Variants in RGS9 observed in about 807,000 individuals in gnomAD.
The protein encoded by RGS9 is regulator of G-protein signalling 9.
In RGS9, 78 loss-of-function variants were observed where a neutral mutation model predicts 102.0. That is an observed-to-expected ratio of 0.76 (90% CI 0.64 to 0.92). The LOEUF (loss-of-function observed/expected upper bound fraction) is 0.92. RGS9 is among the 40% of genes least tolerant of loss of function. The pLI, the probability that RGS9 is intolerant of heterozygous loss-of-function variation, is 0.00. For missense variants in RGS9, 833 were observed against 866.1 expected (o/e 0.96, Z 0.48); for synonymous variants, 353 against 318.6 (o/e 1.11, Z -1.15).
At chr17:65,195,553 A>T (rs8072505) in intron 12 of RGS9, among the ~76,000 whole-genome samples, 33,073 of 152,046 alleles carry the variant, frequency 0.22, 4,657 homozygotes, top group African/African-American at 0.37. Context: ...TTTTAGTCTT[A>T]TATCCCTCAC....
At chr17:65,144,497 C>T (rs1027198720) in intron 1 of RGS9, among the ~76,000 whole-genome samples, 3 of 152,242 alleles carry the variant, frequency 2.0e-5, no homozygotes, top group Non-Finnish European at 4.4e-5. Context: ...CCCCCTTCTC[C>T]CCGACACGGG....
rs373827618 is a variant in RGS9 at position 65,178,563 on chromosome 17, G to T, written c.654+760G>T. On this transcript the variant is annotated intron_variant, in intron 9 of 18. Coordinates refer to ENST00000262406, the MANE Select transcript of RGS9 (RefSeq NM_003835.4). ...CTGTTGCCCGGGCTGCAGTGCAGTGGCATGCTCATAGCTCACTGCAGCCTT... is the reference window on the plus strand; with the variant it reads ...CTGTTGCCCGGGCTGCAGTGCAGTGTCATGCTCATAGCTCACTGCAGCCTT... Among the ~76,000 whole-genome samples the T allele has an allele frequency of 4.0e-4, 61 of 152,070 alleles. 1 individual carries two copies. The highest frequency in any genetic ancestry group is 1.4e-3 in the African/African-American group (58 of 41,454).
chr17:65,153,648 T>G lies in RGS9; in HGVS notation c.154+130T>G. On this transcript the variant is annotated intron_variant, in intron 2 of 18. Coordinates refer to ENST00000262406, the MANE Select transcript of RGS9 (RefSeq NM_003835.4). ...GGCTCACGCCTGTAATCCCAGCACT[T>G]TGGGAGGCCGAGGCGGGTGGATCAC... 4 of 743,556 alleles carry G rather than the reference T, an allele frequency of 5.4e-6. No individual in the cohort carries two copies. In the South Asian group the frequency reaches 5.7e-5, roughly 11 times the overall value. 46.1% of individuals were successfully genotyped at this position (743,556 alleles called of 1,614,324 possible). A position where few individuals can be genotyped will look rare whatever the true frequency, so the allele number is the denominator to read the frequency against.
In RGS9 at chr17:65,227,288, A is replaced by G; in HGVS notation, c.1906A>G (p.Lys636Glu). Residue 636 changes from lysine (K) to glutamate (E), a missense_variant, in exon 19 of 19, where the codon AAA becomes GAA. Physicochemically the swap from Lys to Glu is moderately conservative, Grantham distance 56 (BLOSUM62 1). Transcript: ENST00000262406. ...SKRVANFFQI[K>E]MDVPTGSGTC... ...TTGCACCTGAAGCTTTTTCCAGATCAAAATGGATGTGCCCACGGGGAGCGG... is the reference window on the plus strand; with the variant it reads ...TTGCACCTGAAGCTTTTTCCAGATCGAAATGGATGTGCCCACGGGGAGCGG... The G allele has an allele frequency of 6.2e-7, 1 of 1,614,172 alleles. No individual in the cohort carries two copies. Among genetic ancestry groups the G allele is most frequent in the South Asian group, 1.1e-5 (1 of 91,080 alleles).
intron 1 of RGS9, among the ~76,000 whole-genome samples, chr17:65,141,760 G>A (rs989134161): frequency 6.6e-6 from 1 of 152,194 alleles, no homozygotes; most frequent in African/African-American, 2.4e-5. Context: ...GATTTTACAA[G>A]GGGGCTTGCA....
chr17:65,208,598 T>G (rs909709218), intron 16 of RGS9, among the ~76,000 whole-genome samples: 4 of 152,172 alleles, frequency 2.6e-5, no homozygotes, highest in Non-Finnish European at 5.9e-5. Context: ...AGGGGCAGAT[T>G]GAACTCTTTT....
chr17:65,143,826 G>T (rs1177910127), intron 1 of RGS9, among the ~76,000 whole-genome samples: 3 of 151,734 alleles, frequency 2.0e-5, no homozygotes, highest in Non-Finnish European at 1.5e-5. Flanking sequence ...AGCTGGGCAG[G>T]GTGGCACATG....
intron 3 of RGS9, among the ~76,000 whole-genome samples, chr17:65,159,583 G>T (rs576249731): frequency 6.6e-6 from 1 of 152,250 alleles, no homozygotes; most frequent in East Asian, 1.9e-4. Flanking sequence ...CAGGAATGGA[G>T]GGATGGAATC....
At chr17:65,205,509 G>T (rs1288166914) in intron 15 of RGS9, among the ~76,000 whole-genome samples, 1 of 151,732 alleles carries the variant, frequency 6.6e-6, no homozygotes, top group Admixed American at 6.6e-5. Flanking sequence ...TGTCATACAG[G>T]TTATATGATA....
Position 65,191,078 on chromosome 17 carries a change from A to AC in RGS9, c.746+846dup, listed in dbSNP as rs1490852964. ...CATCTGCCTGAGAAAATATGCCCTG[A>AC]CCCCACACACATTTCAGTGACTCTG... On this transcript the variant is annotated intron_variant, in intron 11 of 18. Transcript: ENST00000262406. Among the ~76,000 whole-genome samples the AC allele has an allele frequency of 7.9e-5, 12 of 152,152 alleles. 1 individual carries two copies. The highest frequency in any genetic ancestry group is 6.8e-3 in the Middle Eastern group (2 of 294).
chr17:65,196,124 A>G (rs371751144), intron 12 of RGS9, among the ~76,000 whole-genome samples: 8 of 152,242 alleles, frequency 5.3e-5, no homozygotes, highest in African/African-American at 1.7e-4. Context: ...TGACAATGAG[A>G]TGGGATAGTA....
intron 17 of RGS9, among the ~76,000 whole-genome samples, chr17:65,210,890 G>A (rs1169310212): frequency 6.6e-6 from 1 of 152,056 alleles, no homozygotes; most frequent in Non-Finnish European, 1.5e-5. Flanking sequence ...GTGGGAGAGG[G>A]GATCACCTGA....
At chr17:65,166,459 G>T (rs141665923) in intron 7 of RGS9, among the ~76,000 whole-genome samples, 1 of 152,304 alleles carries the variant, frequency 6.6e-6, no homozygotes, top group Non-Finnish European at 1.5e-5. Flanking sequence ...GCTACTCAAG[G>T]GCAGGGACTA....
At chr17:65,149,969 A>G (rs912985540) in intron 1 of RGS9, among the ~76,000 whole-genome samples, 8 of 152,230 alleles carry the variant, frequency 5.3e-5, no homozygotes, top group Non-Finnish European at 1.0e-4. Flanking sequence ...GTAAATTGTA[A>G]TGAGCCAGAC....
At chr17:65,138,143 C>G (rs1429646902) in intron 1 of RGS9, among the ~76,000 whole-genome samples, 1 of 152,196 alleles carries the variant, frequency 6.6e-6, no homozygotes, top group Non-Finnish European at 1.5e-5. Context: ...GCTTCCCTTG[C>G]GAATGCTTTC....
At chr17:65,192,896 A>C (rs1488123577) in intron 11 of RGS9, among the ~76,000 whole-genome samples, 1 of 152,124 alleles carries the variant, frequency 6.6e-6, no homozygotes, top group Non-Finnish European at 1.5e-5. Flanking sequence ...GCAGAGACAC[A>C]AGTTTGAACA....
chr17:65,188,698 A>G, intron 9 of RGS9: 1 of 160,678 alleles, frequency 6.2e-6, no homozygotes, highest in Non-Finnish European at 1.4e-5. Context: ...CTGCAGTCTC[A>G]ATCTCCTGGG....
chr17:65,141,124 C>T (rs1263687681), intron 1 of RGS9, among the ~76,000 whole-genome samples: 1 of 152,200 alleles, frequency 6.6e-6, no homozygotes, highest in African/African-American at 2.4e-5. Flanking sequence ...TCGGGATGCC[C>T]GCCGGCCATG....
chr17:65,161,646 T>C (rs1380767796), intron 6 of RGS9, among the ~76,000 whole-genome samples: 1 of 152,102 alleles, frequency 6.6e-6, no homozygotes, highest in Non-Finnish European at 1.5e-5. Flanking sequence ...ATGCTAGCCC[T>C]CAAAAGGCCA....
Sources: gnomAD v4.1 joint callset for allele counts (sites outside exome capture counted in the v4.1 genomes callset) on GRCh38, gnomAD v4.1.1 for gene constraint, MANE v1.5 for transcripts, NCBI Gene and HGNC (gene_info 2026-07-23, HGNC 2026-07-21) for gene names.